Variants in TMEM47 observed in about 807,000 individuals in gnomAD.
TMEM47 encodes transmembrane protein 47, also known as brain cell membrane protein 1.
A neutral mutation model predicts 12.4 loss-of-function variants in TMEM47; 3 were observed. The observed-to-expected ratio is 0.24, with a 90% CI of 0.11 to 0.63. The LOEUF is 0.63. TMEM47 is among the 20% of genes least tolerant of loss of function. TMEM47 has a pLI of 0.86. For synonymous variants in TMEM47, 62 were observed against 63.3 expected (o/e 0.98, Z 0.10); for missense variants, 89 against 143.8 (o/e 0.62, Z 1.95).
chrX:34,645,314 C>T (rs374325852), intron 1 of TMEM47, among the ~76,000 whole-genome samples: 5 of 111,862 alleles, frequency 4.5e-5, no homozygotes, highest in Non-Finnish European at 9.4e-5. Context: ...CCAACTAGCT[C>T]ACTTTGTCAG....
intron 1 of TMEM47, among the ~76,000 whole-genome samples, chrX:34,642,122 G>T (rs1459339540): frequency 8.9e-6 from 1 of 112,636 alleles, no homozygotes; most frequent in Admixed American, 9.4e-5. Context: ...CTCCCAAAGT[G>T]CTGGGATTAC....
intron 1 of TMEM47, among the ~76,000 whole-genome samples, chrX:34,640,756 C>A (rs1413347881): frequency 9.0e-6 from 1 of 111,362 alleles, no homozygotes; most frequent in Non-Finnish European, 1.9e-5. Context: ...ATTGCCAATA[C>A]CCTAAGATTT....
At chrX:34,645,539 G>A (rs7879248) in intron 1 of TMEM47, among the ~76,000 whole-genome samples, 5,077 of 111,177 alleles carry the variant, frequency 0.046, 246 homozygotes, top group African/African-American at 0.15. Context: ...GTGCTAATGA[G>A]GTGGAAAACT....
At chrX:34,648,917 A>G (rs1921964252) in intron 1 of TMEM47, among the ~76,000 whole-genome samples, 1 of 112,274 alleles carries the variant, frequency 8.9e-6, no homozygotes, top group Non-Finnish European at 1.9e-5. Flanking sequence ...AAGAAGACAT[A>G]CATGTGTCCA....
intron 1 of TMEM47, among the ~76,000 whole-genome samples, chrX:34,645,548 C>G (rs1921895940): frequency 1.8e-5 from 2 of 111,397 alleles, no homozygotes; most frequent in Non-Finnish European, 3.8e-5. Context: ...AGGTGGAAAA[C>G]TGAAACGTTA....
In TMEM47 at chrX:34,627,226, A is replaced by T. The variant is rs1272739932; in HGVS notation, c.*3087T>A. 1 of 112,437 alleles carries T rather than the reference A, an allele frequency of 8.9e-6. No homozygotes were observed. The highest frequency in any genetic ancestry group is 3.2e-5 in the African/African-American group (1 of 30,871). 9.3% of individuals were successfully genotyped at this position (112,437 alleles called of 1,213,427 possible). ...TTCCCCCAGATGACTTAAAAAAAAT[A>T]ACCAGGATACCATGAATTCATGTTT... On this transcript the variant is annotated 3_prime_UTR_variant, in exon 3 of 3. Transcript: ENST00000275954.
intron 1 of TMEM47, among the ~76,000 whole-genome samples, chrX:34,646,382 G>A (rs1421893020): frequency 2.7e-5 from 3 of 111,610 alleles, no homozygotes; most frequent in Non-Finnish European, 5.7e-5. Flanking sequence ...TTGCTGTTAA[G>A]GCAAGTTCCA....
rs1272894867 is a variant in TMEM47, at chrX:34,628,744, CA to C, written c.*1568del. On this transcript the variant is annotated 3_prime_UTR_variant, in exon 3 of 3. Coordinates refer to ENST00000275954, the MANE Select transcript of TMEM47 (RefSeq NM_031442.4). ...CTTCTTTCTGCAAGAGGGCCAAAAC[CA>C]GAACATACTGTTTTAGTGTCTTTGT... 5.4e-5 allele frequency: 6 copies of C among 111,239 alleles called. No homozygotes were observed. The highest frequency in any genetic ancestry group is 2.0e-4 in the African/African-American group (6 of 30,590). The allele number at this position is 111,239 out of a possible 1,213,427, so 9.2% of individuals were successfully genotyped here.
chrX:34,649,514 C>T (rs1041867886), intron 1 of TMEM47, among the ~76,000 whole-genome samples: 1 of 110,093 alleles, frequency 9.1e-6, no homozygotes, highest in African/African-American at 3.3e-5. Context: ...CTCGTGAACA[C>T]AAAGAAGGGA....
At chrX:34,651,103 A>G (rs1248748983) in intron 1 of TMEM47, among the ~76,000 whole-genome samples, 2 of 111,627 alleles carry the variant, frequency 1.8e-5, no homozygotes, top group Non-Finnish European at 3.8e-5. Flanking sequence ...CCTATCCCAC[A>G]TTCTCTTCTA....
rs367913227 is a variant in TMEM47 at position 34,627,451 on chromosome X, T to C, written c.*2862A>G. 6 of 111,894 alleles carry C rather than the reference T, an allele frequency of 5.4e-5. No individual in the cohort carries two copies. Among genetic ancestry groups the C allele is most frequent in the East Asian group, 2.8e-4 (1 of 3,565 alleles). The allele number at this position is 111,894 out of a possible 1,213,427, so 9.2% of individuals were successfully genotyped here. ...AAAAATACAGTCTGAATAAATTACATTGCTAGCCATACAATTAGACGTCAC... is the reference window on the plus strand; with the variant it reads ...AAAAATACAGTCTGAATAAATTACACTGCTAGCCATACAATTAGACGTCAC... On this transcript the variant is annotated 3_prime_UTR_variant, in exon 3 of 3. Transcript: ENST00000275954.
chrX:34,639,033 G>A (rs1461767607), intron 2 of TMEM47, among the ~76,000 whole-genome samples: 2 of 111,757 alleles, frequency 1.8e-5, no homozygotes, highest in Non-Finnish European at 3.8e-5. Context: ...TTTAGTCAGA[G>A]GTTTAGAAGC....
chrX:34,654,027 G>C (rs773859483), intron 1 of TMEM47, among the ~76,000 whole-genome samples: 13 of 111,763 alleles, frequency 1.2e-4, no homozygotes, highest in South Asian at 3.7e-4. Flanking sequence ...TTAGTGGTTC[G>C]TACTAGAAGA....
Position 34,639,275 on chromosome X carries a change from T to A in TMEM47, c.339A>T (p.Arg113Ser), listed in dbSNP as rs1301947189. Residue 113 changes from arginine to serine, a missense_variant, in exon 2 of 3, where the codon AGA becomes AGT. Coordinates refer to ENST00000275954, the MANE Select transcript of TMEM47 (RefSeq NM_031442.4). Reference sequence around the variant, plus strand: ...CTGCAAAAAGCATGACCGCAACAGGTCTATAGAAACGCCTTCGAGATCCCA... The same window carrying A: ...CTGCAAAAAGCATGACCGCAACAGGACTATAGAAACGCCTTCGAGATCCCA... ...ICVGSRRRFYRPVAVMLFAAV... is the reference protein window; with the variant it reads ...ICVGSRRRFYSPVAVMLFAAV... 1 of 1,196,222 alleles carries A rather than the reference T, an allele frequency of 8.4e-7. No individual in the cohort carries two copies. The highest frequency in any genetic ancestry group is 1.1e-6 in the Non-Finnish European group (1 of 888,136).
chrX:34,636,415 C>A (rs1921717494), intron 2 of TMEM47, among the ~76,000 whole-genome samples: 1 of 111,682 alleles, frequency 9.0e-6, no homozygotes, highest in Non-Finnish European at 1.9e-5. Context: ...TATGTAAAAT[C>A]GAATTATAAA....
At chrX:34,656,417 G>C (rs1024642516) in intron 1 of TMEM47, among the ~76,000 whole-genome samples, 1 of 110,208 alleles carries the variant, frequency 9.1e-6, no homozygotes, top group Non-Finnish European at 1.9e-5. Flanking sequence ...GCAGCATCTC[G>C]GTGGAGTTGG....
Position 34,656,697 on chromosome X carries a change from C to T in TMEM47, c.226+107G>A, listed in dbSNP as rs1046964345. On this transcript the variant is annotated intron_variant, in intron 1 of 2. Coordinates refer to ENST00000275954, the MANE Select transcript of TMEM47 (RefSeq NM_031442.4). Reference sequence around the variant, plus strand: ...AGGGCCTGGACGGGGTGGGACGGGCCAGGGCAGAGGATGCGGGGACGTGGG... The same window carrying T: ...AGGGCCTGGACGGGGTGGGACGGGCTAGGGCAGAGGATGCGGGGACGTGGG... The T allele has an allele frequency of 4.5e-6, 5 of 1,103,742 alleles. No homozygotes were observed. In the African/African-American group the frequency reaches 9.5e-5, roughly 21 times the overall value. 91.0% of individuals were successfully genotyped at this position (1,103,742 alleles called of 1,213,427 possible). A position where few individuals can be genotyped will look rare whatever the true frequency, so the allele number is the denominator to read the frequency against.
In TMEM47 at chrX:34,630,347, C is replaced by A. The variant is rs1254741024; in HGVS notation, c.512G>T (p.Cys171Phe). Residue 171 changes from cysteine (C) to phenylalanine (F), a missense_variant, in exon 3 of 3, where the codon TGC (cysteine) becomes TTC (phenylalanine). Physicochemically the swap from Cys to Phe is radical, Grantham distance 205. Coordinates refer to ENST00000275954, the MANE Select transcript of TMEM47 (RefSeq NM_031442.4). ...IFSFGGAILY[C>F]LNPKNYEDYY ...GTCTTCATAGTTCTTAGGGTTCAGG[C>A]AATAAAGGATGGCACCCCCAAACGA... 8.3e-7 allele frequency: 1 copy of A among 1,209,964 alleles called. No individual in the cohort carries two copies. Among genetic ancestry groups the A allele is most frequent in the South Asian group, 1.8e-5 (1 of 56,616 alleles).
At position 34,629,656 on chromosome X, in the gene TMEM47, G is replaced by A. The variant is rs1921577068; in HGVS notation, c.*657C>T. On this transcript the variant is annotated 3_prime_UTR_variant, in exon 3 of 3. Transcript: ENST00000275954. ...TTTTCCCCAGTCTAGATAGGGCTGAGGCACCAATTTCTAACCACATAATGA... is the reference window on the plus strand; with the variant it reads ...TTTTCCCCAGTCTAGATAGGGCTGAAGCACCAATTTCTAACCACATAATGA... 1 of 111,485 alleles carries A rather than the reference G, an allele frequency of 9.0e-6. No homozygotes were observed. The highest frequency in any genetic ancestry group is 1.9e-5 in the Non-Finnish European group (1 of 53,164). 9.2% of individuals were successfully genotyped at this position (111,485 alleles called of 1,213,427 possible).
Sources: gnomAD v4.1 joint callset for allele counts (sites outside exome capture counted in the v4.1 genomes callset) on GRCh38, gnomAD v4.1.1 for gene constraint, MANE v1.5 for transcripts, NCBI Gene and HGNC (gene_info 2026-07-23, HGNC 2026-07-21) for gene names.